Variants in RSU1 observed in about 807,000 individuals in gnomAD.
RSU1 encodes the protein rsu-1.
In RSU1, 26 loss-of-function variants were observed where a neutral mutation model predicts 31.1. The observed-to-expected ratio is 0.84, with a 90% CI of 0.61 to 1.16. The LOEUF (loss-of-function observed/expected upper bound fraction) is 1.16. Among genes scored for constraint, RSU1 ranks in the 50% most tolerant of loss-of-function variants. RSU1 has a pLI of 0.00. For synonymous variants in RSU1, 164 were observed against 136.3 expected (o/e 1.20, Z -1.41); for missense variants, 320 against 339.1 (o/e 0.94, Z 0.44).
At chr10:16,806,263 C>A (rs1295538939) in intron 2 of RSU1, among the ~76,000 whole-genome samples, 1 of 152,176 alleles carries the variant, frequency 6.6e-6, no homozygotes, top group African/African-American at 2.4e-5. Context: ...GCTTCTAGAA[C>A]ATGACCGGGT....
intron 8 of RSU1, among the ~76,000 whole-genome samples, chr10:16,628,446 G>T (rs369636125): frequency 5.9e-5 from 9 of 151,902 alleles, no homozygotes; most frequent in Non-Finnish European, 8.8e-5. Flanking sequence ...AATTTCTTTC[G>T]ATATAAATCT....
At chr10:16,625,522 C>T (rs993804569) in intron 8 of RSU1, among the ~76,000 whole-genome samples, 3 of 152,174 alleles carry the variant, frequency 2.0e-5, no homozygotes. Context: ...GACACGTTTC[C>T]AACTCTGTAC....
chr10:16,789,400 G>A (rs1588536936), intron 2 of RSU1, among the ~76,000 whole-genome samples: 1 of 152,142 alleles, frequency 6.6e-6, no homozygotes, highest in Non-Finnish European at 1.5e-5. Flanking sequence ...GGCAACAAAG[G>A]ACTCCAGGTC....
intron 8 of RSU1, among the ~76,000 whole-genome samples, chr10:16,691,222 T>A (rs752601100): frequency 2.1e-4 from 32 of 152,140 alleles, no homozygotes; most frequent in Non-Finnish European, 4.6e-4. Context: ...AATCCCCTAA[T>A]TATGAAATGG....
At chr10:16,619,698 T>G (rs900299396) in intron 8 of RSU1, among the ~76,000 whole-genome samples, 12 of 152,222 alleles carry the variant, frequency 7.9e-5, no homozygotes, top group Non-Finnish European at 1.6e-4. Context: ...TATGGTCATT[T>G]CTTAGCTAGA....
intron 2 of RSU1, among the ~76,000 whole-genome samples, chr10:16,806,257 C>G (rs1838264434): frequency 6.6e-6 from 1 of 152,170 alleles, no homozygotes; most frequent in South Asian, 2.1e-4. Context: ...ACCATGGCTT[C>G]TAGAACATGA....
intron 8 of RSU1, among the ~76,000 whole-genome samples, chr10:16,644,512 C>T (rs1286571371): frequency 3.3e-5 from 5 of 152,184 alleles, no homozygotes. Flanking sequence ...ACAGACTTTA[C>T]ATGTTACGGA....
intron 2 of RSU1, among the ~76,000 whole-genome samples, chr10:16,799,518 C>CAACAAA (rs1838105853): frequency 6.6e-6 from 1 of 151,824 alleles, no homozygotes; most frequent in Non-Finnish European, 1.5e-5. Context: ...ACAACAACAA[C>CAACAAA]AACAACAAAA....
At chr10:16,651,514 T>C (rs141655831) in intron 8 of RSU1, among the ~76,000 whole-genome samples, 73 of 152,330 alleles carry the variant, frequency 4.8e-4, no homozygotes, top group African/African-American at 1.7e-3. Flanking sequence ...CTGACAAATG[T>C]TGTAGAAAAG....
intron 2 of RSU1, among the ~76,000 whole-genome samples, chr10:16,812,901 G>C (rs1407734156): frequency 1.3e-5 from 2 of 152,054 alleles, no homozygotes; most frequent in African/African-American, 4.8e-5. Flanking sequence ...GATGAAGACA[G>C]CTGCTGCTTG....
At chr10:16,647,743 G>C (rs1480008587) in intron 8 of RSU1, among the ~76,000 whole-genome samples, 2 of 152,128 alleles carry the variant, frequency 1.3e-5, no homozygotes, top group African/African-American at 4.8e-5. Flanking sequence ...ATAATTGACT[G>C]TAGGGATGAA....
In RSU1 at chr10:16,695,167, G is replaced by GGGGGC. The variant is rs1554767080; in HGVS notation, c.599-13_599-12insGCCCC. 7.6e-7 allele frequency: 1 copy of GGGGGC among 1,318,150 alleles called. No homozygotes were observed. Among genetic ancestry groups the GGGGGC allele is most frequent in the Non-Finnish European group, 1.0e-6 (1 of 970,976 alleles). The allele number at this position is 1,318,150 out of a possible 1,614,324, so 81.7% of individuals were successfully genotyped here. On this transcript the variant is annotated splice_polypyrimidine_tract_variant and intron_variant, in intron 7 of 8. Coordinates refer to ENST00000345264, the MANE Select transcript of RSU1 (RefSeq NM_012425.4). ...TAAATCCAAGTTTCCTGGGGGGGGG[G>GGGGGC]AAAAAAAAAGTGAAGGTCACTTCAT...
chr10:16,756,012 T>G lies in RSU1; in HGVS notation c.282-1023A>C, dbSNP rs578069460. Reference sequence around the variant, plus strand: ...TTCCTTGTAAAGAACAACTTCCCTATGAACGTAGTGATAATATCTCAAAAT... The same window carrying G: ...TTCCTTGTAAAGAACAACTTCCCTAGGAACGTAGTGATAATATCTCAAAAT... On this transcript the variant is annotated intron_variant, in intron 4 of 8. Coordinates refer to ENST00000345264, the MANE Select transcript of RSU1 (RefSeq NM_012425.4). Among the ~76,000 whole-genome samples, 8 of 152,352 alleles carry G rather than the reference T, an allele frequency of 5.3e-5. No homozygotes were observed. The East Asian group carries it at 1.5e-3, about 29-fold the overall frequency.
intron 8 of RSU1, among the ~76,000 whole-genome samples, chr10:16,607,423 C>T (rs1222710794): frequency 6.6e-6 from 1 of 152,148 alleles, no homozygotes; most frequent in Admixed American, 6.5e-5. Context: ...AAGTTCAGGC[C>T]TATAGGTGTC....
At chr10:16,774,099 T>C (rs1326266929) in intron 3 of RSU1, among the ~76,000 whole-genome samples, 2 of 144,480 alleles carry the variant, frequency 1.4e-5, no homozygotes, top group African/African-American at 2.5e-5. Flanking sequence ...GGTATTCCGT[T>C]AAAAAAAAAA....
chr10:16,641,905 C>T (rs1478532775), intron 8 of RSU1, among the ~76,000 whole-genome samples: 1 of 152,198 alleles, frequency 6.6e-6, no homozygotes, highest in Admixed American at 6.5e-5. Flanking sequence ...GAGCGGGCAG[C>T]AGGGCCTGGA....
intron 8 of RSU1, among the ~76,000 whole-genome samples, chr10:16,594,940 A>G (rs1833586367): frequency 6.6e-6 from 1 of 151,716 alleles, no homozygotes; most frequent in African/African-American, 2.4e-5. Flanking sequence ...ATGCACCACC[A>G]TGCCCAGCTA....
chr10:16,790,364 C>T (rs1187841309), intron 2 of RSU1, among the ~76,000 whole-genome samples: 1 of 152,176 alleles, frequency 6.6e-6, no homozygotes, highest in Non-Finnish European at 1.5e-5. Flanking sequence ...GGATAAGCTA[C>T]ACGACCACAC....
intron 4 of RSU1, among the ~76,000 whole-genome samples, chr10:16,759,765 G>C (rs952209214): frequency 6.6e-6 from 1 of 152,182 alleles, no homozygotes; most frequent in Non-Finnish European, 1.5e-5. Context: ...TTAAGGAATT[G>C]AGAACAGAAC....
Sources: gnomAD v4.1 joint callset for allele counts (sites outside exome capture counted in the v4.1 genomes callset) on GRCh38, gnomAD v4.1.1 for gene constraint, MANE v1.5 for transcripts, NCBI Gene and HGNC (gene_info 2026-07-23, HGNC 2026-07-21) for gene names.